ZNF385D: variants seen among roughly 807,000 people sequenced by gnomAD.
ZNF385D encodes the protein zinc finger protein 385D, also known as zinc finger protein 659.
Under a neutral mutation model 35.8 loss-of-function variants are expected in ZNF385D, and 15 were observed. The observed-to-expected ratio is 0.42, with a 90% confidence interval of 0.28 to 0.64. The LOEUF is 0.64. Ranked by LOEUF, ZNF385D falls within the 30% of genes least tolerant of loss-of-function variation. ZNF385D has a pLI of 0.23. For missense variants in ZNF385D, 474 were observed against 494.6 expected, an observed-to-expected ratio of 0.96 and a Z score of 0.39; for synonymous variants, 212 against 186.8, an observed-to-expected ratio of 1.13 and a Z score of -1.10.
intron 3 of ZNF385D, among the ~76,000 whole-genome samples, chr3:22,127,447 C>T (rs1296050452): frequency 1.4e-5 from 2 of 147,830 alleles, no homozygotes; most frequent in African/African-American, 5.0e-5. Context: ...TCAAGCGATT[C>T]TCCTGCCTCA....
At chr3:21,974,538 C>A (rs1703472241) in intron 3 of ZNF385D, among the ~76,000 whole-genome samples, 1 of 151,992 alleles carries the variant, frequency 6.6e-6, no homozygotes, top group African/African-American at 2.4e-5. Context: ...TAATACTCTA[C>A]AAGCACAAGC....
At chr3:22,348,957 A>C (rs941118774) in intron 2 of ZNF385D, among the ~76,000 whole-genome samples, 4 of 152,230 alleles carry the variant, frequency 2.6e-5, no homozygotes, top group African/African-American at 9.6e-5. Flanking sequence ...AAAGTTGTTC[A>C]TTCCAGGAGT....
chr3:21,550,192 C>T (rs1428666935), intron 3 of ZNF385D, among the ~76,000 whole-genome samples: 2 of 152,160 alleles, frequency 1.3e-5, no homozygotes, highest in Non-Finnish European at 2.9e-5. Context: ...GACCCCAATA[C>T]AACCATTATT....
chr3:22,207,161 G>A (rs1477749331), intron 2 of ZNF385D, among the ~76,000 whole-genome samples: 2 of 151,780 alleles, frequency 1.3e-5, no homozygotes, highest in Non-Finnish European at 2.9e-5. Flanking sequence ...TACAAGAAAT[G>A]GATTAATTTC....
chr3:21,663,890 A>AATATATATACATATATATATATAT lies in ZNF385D; in HGVS notation c.165+995_165+996insATATATATATATATGTATATATAT, dbSNP rs2066310533. Among the ~76,000 whole-genome samples the AATATATATACATATATATATATAT allele has an allele frequency of 6.2e-5, 4 of 64,416 alleles. No homozygotes were observed. The Admixed American group carries it at 6.9e-4, about 11-fold the overall frequency. 42.3% of individuals were successfully genotyped at this position (64,416 alleles called of 152,430 possible). On this transcript the variant is annotated intron_variant, in intron 2 of 7. Transcript: ENST00000281523. ...TGAAGAATTATTTAATTGTGGGCCGAATATATATATATATATATATATATA... is the reference window on the plus strand; with the variant it reads ...TGAAGAATTATTTAATTGTGGGCCGAATATATATACATATATATATATATATATATATATATATATATATATATA...
intron 2 of ZNF385D, among the ~76,000 whole-genome samples, chr3:21,629,438 A>C (rs1442958867): frequency 6.6e-6 from 1 of 152,298 alleles, no homozygotes; most frequent in Non-Finnish European, 1.5e-5. Context: ...CATAAGAAAA[A>C]ATGAACACAT....
At chr3:22,135,249 C>G (rs1193245058) in intron 3 of ZNF385D, among the ~76,000 whole-genome samples, 2 of 152,020 alleles carry the variant, frequency 1.3e-5, no homozygotes, top group African/African-American at 2.4e-5. Context: ...TACAAGAAAG[C>G]TCCTATAACT....
intron 2 of ZNF385D, among the ~76,000 whole-genome samples, chr3:22,277,898 A>T (rs1197612567): frequency 1.3e-5 from 2 of 152,070 alleles, no homozygotes; most frequent in African/African-American, 4.8e-5. Flanking sequence ...GTGTTTAAAG[A>T]ACATTGTGGA....
chr3:21,949,546 C>CTTTCT (rs757034094), intron 3 of ZNF385D, among the ~76,000 whole-genome samples: 2 of 31,164 alleles, frequency 6.4e-5, no homozygotes, highest in African/African-American at 2.9e-4. Flanking sequence ...TCCTTCTTTT[C>CTTTCT]TTTCTTTCTT....
intron 3 of ZNF385D, among the ~76,000 whole-genome samples, chr3:21,782,473 G>T (rs565636787): frequency 3.3e-5 from 5 of 152,026 alleles, no homozygotes; most frequent in African/African-American, 1.2e-4. Flanking sequence ...TCTAATTCAG[G>T]GTTGTTTTAT....
intron 3 of ZNF385D, among the ~76,000 whole-genome samples, chr3:21,817,364 A>C (rs2073198020): frequency 6.6e-6 from 1 of 152,230 alleles, no homozygotes; most frequent in African/African-American, 2.4e-5. Context: ...GTTTCTGCAC[A>C]GCAAAAGAAA....
chr3:21,692,209 C>G (rs986967034), intron 1 of ZNF385D, among the ~76,000 whole-genome samples: 1 of 152,108 alleles, frequency 6.6e-6, no homozygotes, highest in Non-Finnish European at 1.5e-5. Flanking sequence ...TGGATGAAGA[C>G]CCTGAGGTTT....
chr3:22,202,237 T>C (rs548711293), intron 2 of ZNF385D, among the ~76,000 whole-genome samples: 27 of 152,240 alleles, frequency 1.8e-4, no homozygotes, highest in African/African-American at 6.3e-4. Flanking sequence ...GAAGAACCTA[T>C]CAATAAGCTT....
intron 2 of ZNF385D, among the ~76,000 whole-genome samples, chr3:22,242,930 A>G (rs1243547222): frequency 6.6e-6 from 1 of 151,118 alleles, no homozygotes; most frequent in Non-Finnish European, 1.5e-5. Flanking sequence ...AAGTATACAA[A>G]TCTTAGGAGA....
chr3:22,166,276 G>T (rs898763862), intron 3 of ZNF385D, among the ~76,000 whole-genome samples: 4 of 143,434 alleles, frequency 2.8e-5, no homozygotes, highest in Admixed American at 2.8e-4. Context: ...AATCTGAATA[G>T]GAAATCCAGC....
chr3:21,437,104 C>T lies in ZNF385D; in HGVS notation c.539G>A (p.Ser180Asn), dbSNP rs368223028. 2 of 1,613,824 alleles carry T rather than the reference C, an allele frequency of 1.2e-6. No individual in the cohort carries two copies. The highest frequency in any genetic ancestry group is 1.7e-6 in the Non-Finnish European group (2 of 1,179,900). ...TTEITSKVEK[S>N]PTTATGNSSC... ...GCTATTGCCAGTGGCTGTCGTTGGG[C>T]TTTTTTCCACTTTAGAGGTGATCTC... is the stretch of plus-strand genomic sequence containing the variant. Residue 180 changes from serine to asparagine, a missense_variant, in exon 5 of 8, where the codon AGC (serine) becomes AAC (asparagine). Coordinates refer to ENST00000281523, the MANE Select transcript of ZNF385D (RefSeq NM_024697.3).
intron 1 of ZNF385D, among the ~76,000 whole-genome samples, chr3:21,693,496 C>T (rs1488277082): frequency 2.0e-5 from 3 of 152,142 alleles, no homozygotes; most frequent in Admixed American, 2.0e-4. Context: ...AGGAAACTTA[C>T]AATCAGAACA....
chr3:21,470,239 G>A (rs1040746550), intron 4 of ZNF385D, among the ~76,000 whole-genome samples: 1 of 152,158 alleles, frequency 6.6e-6, no homozygotes, highest in Non-Finnish European at 1.5e-5. Context: ...AGAATTGAGA[G>A]CACATTATGA....
rs201437467 is a variant in ZNF385D, at chr3:22,126,610, TC to T, written c.325+42206del. ...GTTTTGTGACCTAATGTATGCTCCATCCTTGAGAATGATCCGTATTCTGAGG... is the reference window on the plus strand; with the variant it reads ...GTTTTGTGACCTAATGTATGCTCCATCTTGAGAATGATCCGTATTCTGAGG... On this transcript the variant is annotated intron_variant, in intron 3 of 5. Transcript: ENST00000494108. 8.3e-3 allele frequency among the ~76,000 whole-genome samples: 1,269 copies of T among 152,228 alleles called. 11 individuals are homozygous for T. Among genetic ancestry groups the T allele is most frequent in the South Asian group, 0.023 (109 of 4,830 alleles).
Sources: gnomAD v4.1 joint callset for allele counts (sites outside exome capture counted in the v4.1 genomes callset) on GRCh38, gnomAD v4.1.1 for gene constraint, MANE v1.5 for transcripts, NCBI Gene and HGNC (gene_info 2026-07-23, HGNC 2026-07-21) for gene names.